The following RBPJ variants were observed in gnomAD, a reference collection of about 807,000 sequenced individuals.
RBPJ encodes recombining binding protein suppressor of hairless.
RBPJ carries 9 observed loss-of-function variants against 67.8 expected under a neutral mutation model. The observed-to-expected ratio is 0.13, with a 90% CI of 0.08 to 0.23. The LOEUF (loss-of-function observed/expected upper bound fraction) is 0.23, where lower values mean the gene tolerates loss of function less well. Ranked by LOEUF, RBPJ falls within the 10% of genes least tolerant of loss-of-function variation. The probability of loss-of-function intolerance (pLI) is 1.00; values close to 1 mark genes in which losing one functional copy is unlikely to be tolerated. For synonymous variants in RBPJ, 198 were observed against 203.3 expected, an observed-to-expected ratio of 0.97 and a Z score of 0.22; for missense variants, 305 against 595.6, an observed-to-expected ratio of 0.51 and a Z score of 5.08.
chr4:26,361,048 A>AGTGTGTGTGTGT (rs771047801), intron 1 of RBPJ, among the ~76,000 whole-genome samples: 3,130 of 147,420 alleles, frequency 0.021, 63 homozygotes, highest in Non-Finnish European at 0.03. Flanking sequence ...TTCAGGAGTG[A>AGTGTGTGTGTGT]GTGTGTGTGC....
At chr4:26,420,881 G>A (rs1037092054) in intron 5 of RBPJ, 156 bp downstream of exon 5, 22 of 629,116 alleles carry the variant, frequency 3.5e-5, no homozygotes, top group Middle Eastern at 6.1e-4. Flanking sequence ...ATCGTAAATC[G>A]ACAGTATGTG....
chr4:26,167,305 G>C (rs913787389), intron 1 of RBPJ, among the ~76,000 whole-genome samples: 3 of 152,176 alleles, frequency 2.0e-5, no homozygotes, highest in Non-Finnish European at 2.9e-5. Flanking sequence ...ATTACCTTGG[G>C]CAGTGTGGCC....
intron 1 of RBPJ, among the ~76,000 whole-genome samples, chr4:26,313,728 CG>C (rs1722514037): frequency 6.6e-6 from 1 of 151,294 alleles, no homozygotes; most frequent in South Asian, 2.1e-4. Flanking sequence ...CCCAGCTACT[CG>C]GGAGGTTGAG....
chr4:26,153,913 A>T, the RBPJ span, among the ~76,000 whole-genome samples: 4 of 152,022 alleles, frequency 2.6e-5, no homozygotes, highest in Admixed American at 6.5e-5. Context: ...GTGCCACTGC[A>T]CTCCAGCCCC....
At chr4:26,196,815 ATTC>A (rs1717783906) in intron 1 of RBPJ, among the ~76,000 whole-genome samples, 1 of 152,188 alleles carries the variant, frequency 6.6e-6, no homozygotes, top group Non-Finnish European at 1.5e-5. Context: ...TCATGACACC[ATTC>A]TTCTTTATCC....
At chr4:26,396,682 A>C (rs550855311) in intron 2 of RBPJ, among the ~76,000 whole-genome samples, 1 of 152,376 alleles carries the variant, frequency 6.6e-6, no homozygotes, top group East Asian at 1.9e-4. Context: ...GGGAAAACCA[A>C]GAGCTGGTCA....
At chr4:26,121,143 A>G in the RBPJ span, among the ~76,000 whole-genome samples, 1 of 152,132 alleles carries the variant, frequency 6.6e-6, no homozygotes. Context: ...ATTTTCAGAA[A>G]ATGATAGATT....
intron 3 of RBPJ, among the ~76,000 whole-genome samples, chr4:26,408,974 A>C (rs1046285043): frequency 6.6e-6 from 1 of 152,232 alleles, no homozygotes; most frequent in African/African-American, 2.4e-5. Context: ...GGGCTAGCCC[A>C]ATTGAATTAT....
chr4:26,355,234 A>G lies in RBPJ; in HGVS notation c.21-31119A>G, dbSNP rs75145173. ...TGTACCATATGGCCCGACTATATAT[A>G]TATTTTATTTTTTGTTGCATAGGCT... On this transcript the variant is annotated intron_variant, in intron 1 of 10. Transcript: ENST00000355476. Among the ~76,000 whole-genome samples the G allele has an allele frequency of 3.7e-3, 564 of 152,172 alleles. 4 individuals are homozygous for G. Among genetic ancestry groups the G allele is most frequent in the African/African-American group, 0.013 (538 of 41,516 alleles).
intron 1 of RBPJ, among the ~76,000 whole-genome samples, chr4:26,336,399 G>T (rs1724841105): frequency 6.6e-6 from 1 of 152,126 alleles, no homozygotes; most frequent in Non-Finnish European, 1.5e-5. Flanking sequence ...AGGATTGCTG[G>T]ATGGCAGATT....
At chr4:26,251,874 A>ATT (rs1720125166) in intron 1 of RBPJ, among the ~76,000 whole-genome samples, 1 of 146,460 alleles carries the variant, frequency 6.8e-6, no homozygotes, top group African/African-American at 2.5e-5. Flanking sequence ...AAAAAAAAAG[A>ATT]AGAGGAGGAG....
At chr4:26,257,500 A>G (rs892543444) in intron 1 of RBPJ, among the ~76,000 whole-genome samples, 4 of 152,314 alleles carry the variant, frequency 2.6e-5, no homozygotes, top group Middle Eastern at 3.4e-3. Flanking sequence ...GTGGTGGTGC[A>G]TGCCTGTAAT....
chr4:26,199,865 A>T (rs971534755), intron 1 of RBPJ, among the ~76,000 whole-genome samples: 5 of 152,246 alleles, frequency 3.3e-5, no homozygotes, highest in African/African-American at 9.6e-5. Context: ...CTCAATTTTT[A>T]AAATTCTTAA....
the RBPJ span, among the ~76,000 whole-genome samples, chr4:26,124,297 TGC>T: frequency 6.6e-6 from 1 of 151,606 alleles, no homozygotes; most frequent in Non-Finnish European, 1.5e-5. Context: ...AGTGAGAACA[TGC>T]AATGCTTGGT....
At chr4:26,417,799 T>G (rs1361696077) in intron 4 of RBPJ, among the ~76,000 whole-genome samples, 3 of 152,214 alleles carry the variant, frequency 2.0e-5, no homozygotes, top group Non-Finnish European at 1.5e-5. Flanking sequence ...AGTCTGTTCA[T>G]TGAGTGGTAC....
Position 26,199,978 on chromosome 4 carries a change from T to C in RBPJ, c.-167+36364T>C, listed in dbSNP as rs139480471. Among the ~76,000 whole-genome samples the C allele has an allele frequency of 3.2e-3, 484 of 152,316 alleles. 7 individuals carry two copies. In the South Asian group the frequency reaches 0.037, roughly 12 times the overall value. ...TGGGGAGCTGTGCCATGTGATTCAATCCTGCAGTTGATGATGGAGGCCGGT... is the reference window on the plus strand; with the variant it reads ...TGGGGAGCTGTGCCATGTGATTCAACCCTGCAGTTGATGATGGAGGCCGGT... On this transcript the variant is annotated intron_variant, in intron 1 of 4. Transcript: ENST00000512351.
At chr4:26,351,278 G>C (rs886368041) in intron 1 of RBPJ, among the ~76,000 whole-genome samples, 4 of 152,190 alleles carry the variant, frequency 2.6e-5, no homozygotes, top group Non-Finnish European at 1.5e-5. Flanking sequence ...GATAGTAAAA[G>C]GGAATTAGGG....
At chr4:26,298,324 T>G (rs964452349) in intron 1 of RBPJ, among the ~76,000 whole-genome samples, 3 of 152,228 alleles carry the variant, frequency 2.0e-5, no homozygotes, top group Non-Finnish European at 4.4e-5. Context: ...ATTTTAAAAT[T>G]TCATTCAAAA....
In RBPJ at chr4:26,237,349, C is replaced by CA. The variant is rs10710582; in HGVS notation, c.-167+73746dup. On this transcript the variant is annotated intron_variant, in intron 1 of 4. Transcript: ENST00000512351. ...AAAAAAAATATTAATAGATGGGTCT[C>CA]AAAAAAAAAAATCATTATGGTCGAA... Among the ~76,000 whole-genome samples the CA allele has an allele frequency of 4.7e-4, 69 of 147,660 alleles. 1 individual carries two copies. The highest frequency in any genetic ancestry group is 4.5e-3 in the South Asian group (21 of 4,682).
Sources: allele counts gnomAD v4.1 joint callset (sites outside exome capture counted in the v4.1 genomes callset), GRCh38; gene constraint gnomAD v4.1.1; transcripts MANE v1.5; gene names NCBI Gene and HGNC (gene_info 2026-07-23, HGNC 2026-07-21).